Variants in LYN observed in about 807,000 individuals in gnomAD.
LYN encodes the protein LYN proto-oncogene, Src family tyrosine kinase.
In LYN, 12 loss-of-function variants were observed where a neutral mutation model predicts 65.0. The ratio of observed to expected loss-of-function variants is 0.18; its 90% CI spans 0.12 to 0.30. The LOEUF is 0.30. Ranked by LOEUF, LYN falls within the 10% of genes least tolerant of loss-of-function variation. The probability of loss-of-function intolerance (pLI) is 1.00; values close to 1 mark genes in which losing one functional copy is unlikely to be tolerated. For synonymous variants in LYN, 222 were observed against 221.2 expected, an observed-to-expected ratio of 1.00 and a Z score of -0.03; for missense variants, 380 against 623.2, an observed-to-expected ratio of 0.61 and a Z score of 4.16.
At chr8:55,977,029 A>G (rs556544810) in intron 10 of LYN, among the ~76,000 whole-genome samples, 1 of 152,058 alleles carries the variant, frequency 6.6e-6, no homozygotes, top group African/African-American at 2.4e-5. Context: ...TACTAAAAAT[A>G]CAAAAGTTAG....
At chr8:55,964,195 A>T (rs1253093123) in intron 8 of LYN, among the ~76,000 whole-genome samples, 1 of 151,902 alleles carries the variant, frequency 6.6e-6, no homozygotes, top group African/African-American at 2.4e-5. Context: ...ATGTTCTAAC[A>T]CTTATCTTGT....
intron 1 of LYN, among the ~76,000 whole-genome samples, chr8:55,891,480 C>A: frequency 6.6e-6 from 1 of 152,016 alleles, no homozygotes; most frequent in African/African-American, 2.4e-5. Context: ...TGAGGTTCCT[C>A]AAATAGTCAA....
At chr8:55,943,532 C>T (rs1030602140) in intron 2 of LYN, among the ~76,000 whole-genome samples, 8 of 144,478 alleles carry the variant, frequency 5.5e-5, no homozygotes, top group African/African-American at 1.0e-4. Context: ...GCCGAGATTG[C>T]GCTACTGCAC....
chr8:55,935,319 C>T (rs1225956345), intron 1 of LYN, among the ~76,000 whole-genome samples: 1 of 152,156 alleles, frequency 6.6e-6, no homozygotes, highest in African/African-American at 2.4e-5. Context: ...GCCCGGGTTA[C>T]CAGCTCACCA....
chr8:55,965,016 A>T (rs1323534435), intron 8 of LYN, among the ~76,000 whole-genome samples: 1 of 145,208 alleles, frequency 6.9e-6, no homozygotes, highest in Non-Finnish European at 1.5e-5. Flanking sequence ...ACCAGCAGCT[A>T]TTACTCCCTT....
chr8:55,906,882 G>C (rs1222112831), intron 1 of LYN, among the ~76,000 whole-genome samples: 1 of 152,130 alleles, frequency 6.6e-6, no homozygotes, highest in Non-Finnish European at 1.5e-5. Flanking sequence ...CTGTCCTATT[G>C]AGAATGATTT....
At chr8:55,946,978 T>A (rs1393937137) in intron 3 of LYN, among the ~76,000 whole-genome samples, 1 of 152,244 alleles carries the variant, frequency 6.6e-6, no homozygotes, top group African/African-American at 2.4e-5. Flanking sequence ...CCGGGTGCAG[T>A]GGCTCACACC....
intron 10 of LYN, among the ~76,000 whole-genome samples, chr8:55,970,165 C>A (rs562627651): frequency 2.6e-5 from 4 of 152,250 alleles, no homozygotes; most frequent in African/African-American, 9.6e-5. Context: ...ATTTAAGTTA[C>A]GAATCGAATG....
intron 8 of LYN, 133 bp downstream of exon 8, chr8:55,954,117 C>T: frequency 2.0e-6 from 2 of 1,010,450 alleles, no homozygotes; most frequent in Non-Finnish European, 2.9e-6. Context: ...TTGTTTTCCT[C>T]TGTCCATTGG....
intron 1 of LYN, among the ~76,000 whole-genome samples, chr8:55,914,189 G>C (rs570985104): frequency 2.6e-4 from 40 of 152,008 alleles, no homozygotes; most frequent in Non-Finnish European, 5.9e-4. Flanking sequence ...GGCCAGGTCA[G>C]AGGGTTTTTA....
intron 1 of LYN, among the ~76,000 whole-genome samples, chr8:55,887,569 T>C (rs13280999): frequency 7.4e-5 from 3 of 40,440 alleles, no homozygotes; most frequent in South Asian, 7.2e-4. Context: ...TATATATATA[T>C]ATATATACAC....
chr8:55,960,117 T>C (rs1310619506), intron 8 of LYN, among the ~76,000 whole-genome samples: 1 of 152,186 alleles, frequency 6.6e-6, no homozygotes, highest in Non-Finnish European at 1.5e-5. Context: ...ATTCTGAATA[T>C]GCAAATAACT....
chr8:55,914,923 G>A (rs946095708), intron 1 of LYN, among the ~76,000 whole-genome samples: 8 of 152,162 alleles, frequency 5.3e-5, no homozygotes, highest in Admixed American at 5.2e-4. Context: ...ACTTGAAATT[G>A]TCTCTTAGCC....
chr8:55,952,597 T>C (rs1806983636), intron 7 of LYN, among the ~76,000 whole-genome samples: 1 of 152,176 alleles, frequency 6.6e-6, no homozygotes, highest in African/African-American at 2.4e-5. Context: ...TTAATTAATC[T>C]ACAGTTAAAT....
chr8:55,897,989 T>C (rs960825238), intron 1 of LYN, among the ~76,000 whole-genome samples: 1 of 152,084 alleles, frequency 6.6e-6, no homozygotes, highest in Admixed American at 6.6e-5. Context: ...AAAATGAAAA[T>C]AGACGATTTT....
Position 55,907,519 on chromosome 8 carries a change from T to C in LYN, c.-6+27416T>C, listed in dbSNP as rs114723617. Among the ~76,000 whole-genome samples the C allele has an allele frequency of 4.7e-3, 717 of 152,318 alleles. 7 individuals carry two copies. The highest frequency in any genetic ancestry group is 0.016 in the African/African-American group (665 of 41,568). Reference sequence around the variant, plus strand: ...GGGCACATACATCTACCAGAACTGATGTCAGCACAGTTAGGATCTTTACCT... The same window carrying C: ...GGGCACATACATCTACCAGAACTGACGTCAGCACAGTTAGGATCTTTACCT... On this transcript the variant is annotated intron_variant, in intron 1 of 12. Coordinates refer to ENST00000519728, the MANE Select transcript of LYN (RefSeq NM_002350.4).
chr8:55,921,621 G>A (rs531868184), intron 1 of LYN, among the ~76,000 whole-genome samples: 2 of 152,250 alleles, frequency 1.3e-5, no homozygotes, highest in African/African-American at 2.4e-5. Flanking sequence ...AAATGGGTAG[G>A]AGTGCATGAG....
intron 1 of LYN, among the ~76,000 whole-genome samples, chr8:55,937,763 TTGGCTTAC>T (rs1806477417): frequency 6.6e-6 from 1 of 152,178 alleles, no homozygotes; most frequent in African/African-American, 2.4e-5. Context: ...CACAACAATC[TTGGCTTAC>T]TGCAACCTCT....
chr8:55,896,352 C>T (rs926431030), intron 1 of LYN, among the ~76,000 whole-genome samples: 40 of 152,068 alleles, frequency 2.6e-4, no homozygotes, highest in African/African-American at 9.4e-4. Flanking sequence ...AACAGAATAG[C>T]AGGGACATGG....
Sources: allele counts gnomAD v4.1 joint callset (sites outside exome capture counted in the v4.1 genomes callset), GRCh38; gene constraint gnomAD v4.1.1; transcripts MANE v1.5; gene names NCBI Gene and HGNC (gene_info 2026-07-23, HGNC 2026-07-21).